The following CLIC5 variants were observed in gnomAD, a reference collection of about 807,000 sequenced individuals.
CLIC5 encodes the protein chloride intracellular channel protein 5.
In CLIC5, 20 loss-of-function variants were observed where a neutral mutation model predicts 24.7. The ratio of observed to expected loss-of-function variants is 0.81; its 90% CI spans 0.57 to 1.18. The LOEUF is 1.18. Among genes scored for constraint, CLIC5 ranks in the 50% most tolerant of loss-of-function variants. The pLI, the probability that CLIC5 is intolerant of heterozygous loss-of-function variation, is 0.00. For synonymous variants in CLIC5, 159 were observed against 135.6 expected, an observed-to-expected ratio of 1.17 and a Z score of -1.20; for missense variants, 341 against 326.1, an observed-to-expected ratio of 1.05 and a Z score of -0.35.
At chr6:46,129,660 A>G in the CLIC5 span, 3 of 152,244 alleles carry the variant, frequency 2.0e-5, no homozygotes, top group South Asian at 6.2e-4. Flanking sequence ...CTCCGCGGCC[A>G]CCTAAGCTGC....
chr6:45,910,321 T>C (rs569163936), intron 5 of CLIC5, among the ~76,000 whole-genome samples: 27 of 152,246 alleles, frequency 1.8e-4, no homozygotes, highest in Admixed American at 1.5e-3. Context: ...TAAATAATCC[T>C]ATAAGGAAGA....
At chr6:45,941,495 G>A in intron 4 of CLIC5, 52 bp downstream of exon 4, 3 of 1,354,266 alleles carry the variant, frequency 2.2e-6, no homozygotes, top group Non-Finnish European at 3.2e-6. Flanking sequence ...AAGATGCCTT[G>A]GGCAGCAGAT....
chr6:45,980,611 AG>A (rs1212242688), intron 1 of CLIC5, among the ~76,000 whole-genome samples: 1 of 152,184 alleles, frequency 6.6e-6, no homozygotes, highest in African/African-American at 2.4e-5. Context: ...ATCACCACAA[AG>A]AAAAGAATAC....
the CLIC5 span, among the ~76,000 whole-genome samples, chr6:46,112,766 G>C: frequency 6.6e-6 from 1 of 152,144 alleles, no homozygotes; most frequent in Non-Finnish European, 1.5e-5. Context: ...GAAGAAATAA[G>C]AACAAGCAGG....
intron 1 of CLIC5, among the ~76,000 whole-genome samples, chr6:46,045,493 G>A (rs890829710): frequency 1.5e-4 from 23 of 152,120 alleles, no homozygotes; most frequent in Admixed American, 3.3e-4. Flanking sequence ...GAGAGTCACT[G>A]GCCCATTCTC....
intron 5 of CLIC5, chr6:45,913,941 T>C (rs968775317): frequency 8.8e-6 from 5 of 571,298 alleles, no homozygotes; most frequent in African/African-American, 7.7e-5. Flanking sequence ...ATTGCGACTA[T>C]TACACATATT....
At chr6:46,073,776 A>C (rs112178486) in intron 1 of CLIC5, among the ~76,000 whole-genome samples, 1 of 152,216 alleles carries the variant, frequency 6.6e-6, no homozygotes, top group African/African-American at 2.4e-5. Flanking sequence ...CTTGCCATAC[A>C]CATGTGAGTG....
rs566139387 is a variant in CLIC5 at position 46,069,378 on chromosome 6, A to T, written c.540+10325T>A. On this transcript the variant is annotated intron_variant, in intron 1 of 5. Transcript: ENST00000185206. ...CACAATTAGAAACAACAAAAGGGAT[A>T]TTATCACTGACTCCACAGGAATACA... is the stretch of plus-strand genomic sequence containing the variant. Among the ~76,000 whole-genome samples the T allele has an allele frequency of 3.3e-5, 5 of 152,186 alleles. No homozygotes were observed. In the South Asian group the frequency reaches 6.2e-4, roughly 19 times the overall value.
intron 5 of CLIC5, among the ~76,000 whole-genome samples, chr6:45,905,702 T>C (rs1762642446): frequency 6.6e-6 from 1 of 152,184 alleles, no homozygotes; most frequent in African/African-American, 2.4e-5. Context: ...GTTGATAGTT[T>C]CTATGTGCAG....
chr6:46,038,700 ACT>A (rs1764990277), intron 1 of CLIC5, among the ~76,000 whole-genome samples: 1 of 151,948 alleles, frequency 6.6e-6, no homozygotes, highest in African/African-American at 2.4e-5. Flanking sequence ...TCTCTCTAGC[ACT>A]CTCTTTCCCA....
At chr6:46,119,601 C>T in the CLIC5 span, among the ~76,000 whole-genome samples, 2 of 152,214 alleles carry the variant, frequency 1.3e-5, no homozygotes, top group African/African-American at 2.4e-5. Flanking sequence ...ACAGTGGGTG[C>T]AGTGCACCGA....
At chr6:46,118,857 A>G in the CLIC5 span, among the ~76,000 whole-genome samples, 1 of 152,250 alleles carries the variant, frequency 6.6e-6, no homozygotes, top group African/African-American at 2.4e-5. Context: ...AAGGGGACCT[A>G]CCAGGCATAA....
chr6:46,079,613 A>T (rs1762869421), intron 1 of CLIC5: 1 of 1,102,782 alleles, frequency 9.1e-7, no homozygotes, highest in Admixed American at 2.4e-5. Flanking sequence ...CCATGGCATT[A>T]TGAATCTTTC....
At chr6:45,927,430 A>G (rs952686959) in intron 4 of CLIC5, among the ~76,000 whole-genome samples, 2 of 152,146 alleles carry the variant, frequency 1.3e-5, no homozygotes, top group African/African-American at 4.8e-5. Context: ...GCCACCCCCA[A>G]AATAGGAAGG....
chr6:46,114,236 T>C, the CLIC5 span, among the ~76,000 whole-genome samples: 2 of 152,188 alleles, frequency 1.3e-5, no homozygotes, highest in Non-Finnish European at 2.9e-5. Flanking sequence ...GTTTGTCCGC[T>C]ATTGCCTTAA....
the CLIC5 span, among the ~76,000 whole-genome samples, chr6:46,114,174 T>G: frequency 6.6e-6 from 1 of 152,204 alleles, no homozygotes; most frequent in Non-Finnish European, 1.5e-5. Context: ...TGTGGAACCC[T>G]TTCTTGAAGT....
chr6:46,122,162 C>CCTAT, the CLIC5 span, among the ~76,000 whole-genome samples: 1 of 152,144 alleles, frequency 6.6e-6, no homozygotes, highest in Non-Finnish European at 1.5e-5. Context: ...TATTCCAAAA[C>CCTAT]TGACCACATA....
chr6:45,914,593 G>GA, intron 4 of CLIC5, 184 bp from the exon 5 acceptor site: 2 of 1,173,934 alleles, frequency 1.7e-6, no homozygotes, highest in East Asian at 6.6e-5. Flanking sequence ...TAAATAGGCT[G>GA]AAAAGGCAAA....
At chr6:45,888,995 G>T (rs746205881) in intron 6 of CLIC5, among the ~76,000 whole-genome samples, 1 of 152,174 alleles carries the variant, frequency 6.6e-6, no homozygotes, top group African/African-American at 2.4e-5. Flanking sequence ...GACTAATCAA[G>T]TTGAGGAATA....
Sources: allele counts gnomAD v4.1 joint callset (sites outside exome capture counted in the v4.1 genomes callset), GRCh38; gene constraint gnomAD v4.1.1; transcripts MANE v1.5; gene names NCBI Gene and HGNC (gene_info 2026-07-23, HGNC 2026-07-21).